TAFA1: variants seen among roughly 807,000 people sequenced by gnomAD.
TAFA1 encodes TAFA chemokine like family member 1, also known as chemokine-like protein TAFA-1.
TAFA1 carries 4 observed loss-of-function variants against 18.5 expected under a neutral mutation model. The ratio of observed to expected loss-of-function variants is 0.22; its 90% CI spans 0.11 to 0.49. The LOEUF (loss-of-function observed/expected upper bound fraction) is 0.49. Among genes scored for constraint, TAFA1 ranks in the 20% least tolerant of loss-of-function variants. The pLI, the probability that TAFA1 is intolerant of heterozygous loss-of-function variation, is 0.98. For missense variants in TAFA1, 147 were observed against 169.0 expected, an observed-to-expected ratio of 0.87 and a Z score of 0.72; for synonymous variants, 56 against 55.2, an observed-to-expected ratio of 1.01 and a Z score of -0.06.
the TAFA1 span, among the ~76,000 whole-genome samples, chr3:67,992,654 G>T: frequency 6.6e-6 from 1 of 152,112 alleles, no homozygotes; most frequent in Non-Finnish European, 1.5e-5. Flanking sequence ...AAACAAATGG[G>T]CATGTTTGTA....
chr3:68,038,191 GT>G (rs1422618277), intron 2 of TAFA1, among the ~76,000 whole-genome samples: 4 of 152,192 alleles, frequency 2.6e-5, no homozygotes, highest in African/African-American at 9.6e-5. Context: ...GACTCTCATT[GT>G]CATATTTCAG....
At chr3:68,506,644 G>C (rs2668162) in intron 3 of TAFA1, among the ~76,000 whole-genome samples, 30,799 of 152,048 alleles carry the variant, frequency 0.2, 3,215 homozygotes, top group Middle Eastern at 0.24. Context: ...ATTGAAGCCT[G>C]ATAACTCAAG....
intron 2 of TAFA1, among the ~76,000 whole-genome samples, chr3:68,371,697 A>C (rs549234535): frequency 2.0e-5 from 3 of 152,292 alleles, no homozygotes; most frequent in Admixed American, 6.5e-5. Flanking sequence ...GTTTTTGTGA[A>C]GTTAAAATGT....
chr3:68,243,799 C>G (rs914668681), intron 2 of TAFA1, among the ~76,000 whole-genome samples: 1 of 152,070 alleles, frequency 6.6e-6, no homozygotes, highest in Admixed American at 6.6e-5. Flanking sequence ...GAGAGAAATA[C>G]CACAGTGTGC....
intron 2 of TAFA1, among the ~76,000 whole-genome samples, chr3:68,402,529 C>T (rs1227317009): frequency 6.6e-6 from 1 of 152,154 alleles, no homozygotes; most frequent in Non-Finnish European, 1.5e-5. Flanking sequence ...ATAAATTTTT[C>T]TACCTGAGTC....
chr3:68,283,631 G>T (rs2067942298), intron 2 of TAFA1, among the ~76,000 whole-genome samples: 1 of 151,530 alleles, frequency 6.6e-6, no homozygotes, highest in South Asian at 2.1e-4. Flanking sequence ...TTTTTGTGAG[G>T]ACTTAATTAG....
intron 3 of TAFA1, among the ~76,000 whole-genome samples, chr3:68,481,414 A>G (rs1575908632): frequency 6.6e-6 from 1 of 152,326 alleles, no homozygotes; most frequent in East Asian, 1.9e-4. Context: ...GCTAAAACTA[A>G]TACAGACCTT....
At chr3:67,997,097 A>G in the TAFA1 span, among the ~76,000 whole-genome samples, 1 of 152,194 alleles carries the variant, frequency 6.6e-6, no homozygotes, top group South Asian at 2.1e-4. Context: ...GGGAAATGGT[A>G]GGTAGAAATG....
chr3:68,372,161 G>T (rs1214112710), intron 2 of TAFA1, among the ~76,000 whole-genome samples: 2 of 152,120 alleles, frequency 1.3e-5, no homozygotes, highest in Admixed American at 6.6e-5. Context: ...ATGCCCCGCA[G>T]GTTGAAAATA....
intron 2 of TAFA1, among the ~76,000 whole-genome samples, chr3:68,106,894 A>G (rs1371666795): frequency 1.3e-5 from 2 of 152,294 alleles, no homozygotes; most frequent in Admixed American, 1.3e-4. Flanking sequence ...TACCTCTAAA[A>G]GAATGGCTAA....
intron 2 of TAFA1, among the ~76,000 whole-genome samples, chr3:68,284,266 A>G (rs1444792702): frequency 6.6e-6 from 1 of 152,188 alleles, no homozygotes. Flanking sequence ...ATTTTCTTGC[A>G]TGGATTTGGG....
At chr3:68,268,228 G>A (rs991208377) in intron 2 of TAFA1, among the ~76,000 whole-genome samples, 3 of 152,104 alleles carry the variant, frequency 2.0e-5, no homozygotes, top group African/African-American at 7.2e-5. Context: ...CTCTGAGAGA[G>A]AATATTCTAA....
At chr3:68,098,803 A>G (rs1417998125) in intron 2 of TAFA1, among the ~76,000 whole-genome samples, 1 of 152,190 alleles carries the variant, frequency 6.6e-6, no homozygotes, top group African/African-American at 2.4e-5. Flanking sequence ...GTACAAAAAC[A>G]GATGTATAGA....
chr3:68,287,206 C>T (rs142461048), intron 2 of TAFA1, among the ~76,000 whole-genome samples: 3 of 152,234 alleles, frequency 2.0e-5, no homozygotes, highest in African/African-American at 4.8e-5. Context: ...TGAAAAACCG[C>T]GTGTGTAATG....
chr3:68,525,823 A>G (rs943140282), intron 3 of TAFA1, among the ~76,000 whole-genome samples: 3 of 152,108 alleles, frequency 2.0e-5, no homozygotes, highest in African/African-American at 7.2e-5. Context: ...GCACAATGGT[A>G]TTATATCCTG....
intron 2 of TAFA1, chr3:68,246,903 T>C (rs2067091915): frequency 6.6e-6 from 1 of 152,166 alleles, no homozygotes; most frequent in Non-Finnish European, 1.5e-5. Context: ...TTCAGAAGGA[T>C]GATAAATGTT....
intron 2 of TAFA1, among the ~76,000 whole-genome samples, chr3:68,079,399 G>A (rs953936162): frequency 2.6e-5 from 4 of 152,052 alleles, no homozygotes; most frequent in African/African-American, 9.7e-5. Context: ...TTTTAATTGT[G>A]ATGTTAGGGT....
At chr3:68,080,526 C>A (rs1335803515) in intron 2 of TAFA1, among the ~76,000 whole-genome samples, 1 of 152,106 alleles carries the variant, frequency 6.6e-6, no homozygotes, top group African/African-American at 2.4e-5. Flanking sequence ...CAAAATCTCT[C>A]AGCATTTGCT....
chr3:68,189,002 TCCAA>T lies in TAFA1; in HGVS notation c.118+182259_118+182262del, dbSNP rs1274816357. On this transcript the variant is annotated intron_variant, in intron 2 of 4. Coordinates refer to ENST00000478136, the MANE Select transcript of TAFA1 (RefSeq NM_213609.4). ...TCAGCAGTTTTAGATGGTCAGACTT[TCCAA>T]TTGGTGGTACACTAACGATTATGTT... Among the ~76,000 whole-genome samples the T allele has an allele frequency of 2.0e-4, 30 of 152,016 alleles. 1 individual carries two copies. In the East Asian group the frequency reaches 5.5e-3, roughly 28 times the overall value.
Sources: gnomAD v4.1 joint callset for allele counts (sites outside exome capture counted in the v4.1 genomes callset) on GRCh38, gnomAD v4.1.1 for gene constraint, MANE v1.5 for transcripts, NCBI Gene and HGNC (gene_info 2026-07-23, HGNC 2026-07-21) for gene names.